METTL25: variants seen among roughly 807,000 people sequenced by gnomAD.
METTL25 encodes methyltransferase like 25.
A neutral mutation model predicts 71.6 loss-of-function variants in METTL25; 64 were observed. The ratio of observed to expected loss-of-function variants is 0.89; its 90% CI spans 0.73 to 1.10. The LOEUF (loss-of-function observed/expected upper bound fraction) is 1.10, where lower values mean the gene tolerates loss of function less well. Ranked by LOEUF, METTL25 falls within the 50% of genes least tolerant of loss-of-function variation. The pLI is 0.00. For synonymous variants in METTL25, 287 were observed against 250.3 expected (o/e 1.15, Z -1.38); for missense variants, 807 against 707.0 (o/e 1.14, Z -1.60).
rs200840469 is a variant in METTL25, at chr12:82,461,529, ATATAACTTAT to A, written c.1572+4712_1572+4721del. On this transcript the variant is annotated intron_variant, in intron 9 of 11. Coordinates refer to ENST00000248306, the MANE Select transcript of METTL25 (RefSeq NM_032230.3). ...ACTCATGCTTCTGTTTGTCATACTT[ATATAACTTAT>A]TAACAGACATGGAGCACAAGAATGC... Among the ~76,000 whole-genome samples, 1,484 of 152,290 alleles carry A rather than the reference ATATAACTTAT, an allele frequency of 9.7e-3. 23 individuals are homozygous for A. The highest frequency in any genetic ancestry group is 0.034 in the African/African-American group (1,402 of 41,558).
intron 5 of METTL25, among the ~76,000 whole-genome samples, chr12:82,418,839 G>A (rs1175056424): frequency 3.3e-5 from 5 of 152,100 alleles, no homozygotes; most frequent in African/African-American, 7.2e-5. Flanking sequence ...GACACTTTTT[G>A]TGGAAGGTTT....
At chr12:82,455,716 G>A (rs932662279) in intron 8 of METTL25, among the ~76,000 whole-genome samples, 7 of 151,874 alleles carry the variant, frequency 4.6e-5, no homozygotes, top group Non-Finnish European at 8.8e-5. Context: ...CTAAATACTG[G>A]AATGTAATGG....
At chr12:82,475,322 G>A (rs1192687875) in intron 9 of METTL25, among the ~76,000 whole-genome samples, 1 of 152,128 alleles carries the variant, frequency 6.6e-6, no homozygotes, top group African/African-American at 2.4e-5. Context: ...TGCTCCAGCA[G>A]GGACTCATTT....
intron 1 of METTL25, among the ~76,000 whole-genome samples, chr12:82,361,542 G>A (rs1419507468): frequency 1.3e-5 from 2 of 152,190 alleles, no homozygotes; most frequent in Non-Finnish European, 2.9e-5. Flanking sequence ...ATGGCGGGCT[G>A]CAGGTCTTGA....
At chr12:82,453,711 A>G (rs1341738378) in intron 8 of METTL25, among the ~76,000 whole-genome samples, 4 of 152,096 alleles carry the variant, frequency 2.6e-5, no homozygotes, top group African/African-American at 9.7e-5. Flanking sequence ...AAGCCTGCCT[A>G]TATGCTTATC....
intron 9 of METTL25, among the ~76,000 whole-genome samples, chr12:82,471,529 C>T (rs1351860311): frequency 1.3e-5 from 2 of 152,222 alleles, no homozygotes; most frequent in African/African-American, 4.8e-5. Flanking sequence ...TATATAGAGA[C>T]TTAGGGTACT....
chr12:82,451,556 A>G (rs1471988741), intron 8 of METTL25, among the ~76,000 whole-genome samples: 3 of 152,186 alleles, frequency 2.0e-5, no homozygotes, highest in African/African-American at 7.2e-5. Context: ...TTATTAGAAG[A>G]AATCTCTTTA....
At chr12:82,422,841 G>C (rs1346149424) in intron 5 of METTL25, among the ~76,000 whole-genome samples, 1 of 152,122 alleles carries the variant, frequency 6.6e-6, no homozygotes, top group African/African-American at 2.4e-5. Context: ...CCTTACAAGG[G>C]ATGTGAAGGA....
chr12:82,402,518 GA>G (rs1469034589), intron 4 of METTL25, among the ~76,000 whole-genome samples: 1 of 151,754 alleles, frequency 6.6e-6, no homozygotes, highest in Non-Finnish European at 1.5e-5. Context: ...TGAAATCACT[GA>G]AAAAAATTCA....
At chr12:82,415,446 G>A (rs1887897272) in intron 5 of METTL25, among the ~76,000 whole-genome samples, 1 of 151,996 alleles carries the variant, frequency 6.6e-6, no homozygotes, top group African/African-American at 2.4e-5. Flanking sequence ...TATTAGGCAG[G>A]GTGATCATAC....
chr12:82,432,154 A>G (rs1320863159), intron 6 of METTL25, among the ~76,000 whole-genome samples: 1 of 151,708 alleles, frequency 6.6e-6, no homozygotes, highest in Admixed American at 6.6e-5. Context: ...CTGCAAGATA[A>G]ACCAATTCTT....
At chr12:82,394,663 A>G (rs1167863744) in intron 3 of METTL25, among the ~76,000 whole-genome samples, 1 of 152,016 alleles carries the variant, frequency 6.6e-6, no homozygotes, top group African/African-American at 2.4e-5. Flanking sequence ...TTTATGTTCT[A>G]ATTAGGAGAG....
intron 11 of METTL25, among the ~76,000 whole-genome samples, chr12:82,478,164 G>A (rs1479540136): frequency 6.6e-6 from 1 of 151,632 alleles, no homozygotes; most frequent in Non-Finnish European, 1.5e-5. Flanking sequence ...GGAAAGCTTT[G>A]GTTCCTAAGT....
At chr12:82,450,918 C>T (rs964215229) in intron 8 of METTL25, among the ~76,000 whole-genome samples, 15 of 152,080 alleles carry the variant, frequency 9.9e-5, no homozygotes, top group African/African-American at 3.6e-4. Flanking sequence ...CCTCTCTAAC[C>T]TTTCATATCT....
chr12:82,386,698 A>T, intron 1 of METTL25, 105 bp from the exon 2 acceptor site: 2 of 884,400 alleles, frequency 2.3e-6, no homozygotes, highest in South Asian at 1.8e-5. Context: ...AAATGAAAAT[A>T]TTGGCATTTG....
In METTL25 at chr12:82,475,330, T is replaced by C. The variant is rs557372639; in HGVS notation, c.1573-1314T>C. On this transcript the variant is annotated intron_variant, in intron 9 of 11. Transcript: ENST00000248306. ...AAAAGTTTGCTCCAGCAGGGACTCA[T>C]TTGATTCAAAAAATGGCAAACTTTT... Among the ~76,000 whole-genome samples the C allele has an allele frequency of 3.9e-5, 6 of 152,282 alleles. No homozygotes were observed. The East Asian group carries it at 9.6e-4, about 24-fold the overall frequency.
intron 7 of METTL25, among the ~76,000 whole-genome samples, chr12:82,436,150 C>G (rs144333998): frequency 6.6e-6 from 1 of 151,286 alleles, no homozygotes; most frequent in Non-Finnish European, 1.5e-5. Context: ...CTCATACTTA[C>G]ACTCAATCTT....
intron 3 of METTL25, among the ~76,000 whole-genome samples, chr12:82,392,579 G>A (rs1385193822): frequency 1.3e-5 from 2 of 152,002 alleles, no homozygotes; most frequent in African/African-American, 2.4e-5. Context: ...ATCTGTGTGT[G>A]TCTCTTCACT....
intron 9 of METTL25, among the ~76,000 whole-genome samples, chr12:82,462,645 A>G (rs75573901): frequency 6.6e-6 from 1 of 152,110 alleles, no homozygotes; most frequent in African/African-American, 2.4e-5. Context: ...TAATGAGACT[A>G]ATTTTTAAGC....
Sources: gnomAD v4.1 joint callset for allele counts (sites outside exome capture counted in the v4.1 genomes callset) on GRCh38, gnomAD v4.1.1 for gene constraint, MANE v1.5 for transcripts, NCBI Gene and HGNC (gene_info 2026-07-23, HGNC 2026-07-21) for gene names.